Variants in TMEM120B observed in about 807,000 individuals in gnomAD.
TMEM120B encodes the protein transmembrane protein 120B.
Under a neutral mutation model 55.5 loss-of-function variants are expected in TMEM120B, and 31 were observed. The ratio of observed to expected loss-of-function variants is 0.56; its 90% CI spans 0.42 to 0.75. The LOEUF is 0.75. Ranked by LOEUF, TMEM120B falls within the 30% of genes least tolerant of loss-of-function variation. TMEM120B has a pLI of 0.00. For missense variants in TMEM120B, 399 were observed against 425.5 expected (o/e 0.94, Z 0.55); for synonymous variants, 203 against 176.3 (o/e 1.15, Z -1.20).
At chr12:121,761,042 G>A (rs867010186) in intron 5 of TMEM120B, among the ~76,000 whole-genome samples, 26 of 151,928 alleles carry the variant, frequency 1.7e-4, no homozygotes, top group African/African-American at 5.8e-4. Context: ...GCAATGGCAC[G>A]ATCTCAGCTC....
Position 121,779,129 on chromosome 12 carries a change from C to A in TMEM120B, c.*3407C>A, listed in dbSNP as rs567222877. 2 of 209,238 alleles carry A rather than the reference C, an allele frequency of 9.6e-6. No individual in the cohort carries two copies. The highest frequency in any genetic ancestry group is 9.9e-6 in the Non-Finnish European group (1 of 100,882). 13.0% of individuals were successfully genotyped at this position (209,238 alleles called of 1,614,324 possible). Reference sequence around the variant, plus strand: ...ACAGGAGTGGCAGGCTTGGGGCGCCCGCGTGGAACAGTGCCAGGTCTACGT... The same window carrying A: ...ACAGGAGTGGCAGGCTTGGGGCGCCAGCGTGGAACAGTGCCAGGTCTACGT... On this transcript the variant is annotated 3_prime_UTR_variant, in exon 12 of 12. Transcript: ENST00000449592.
rs1207412286 is a variant in TMEM120B at position 121,778,011 on chromosome 12, CA to C, written c.*2290del. 2.0e-5 allele frequency: 3 copies of C among 152,170 alleles called. No individual in the cohort carries two copies. The highest frequency in any genetic ancestry group is 4.4e-5 in the Non-Finnish European group (3 of 68,058). 9.4% of individuals were successfully genotyped at this position (152,170 alleles called of 1,614,324 possible). A position where few individuals can be genotyped will look rare whatever the true frequency, so the allele number is the denominator to read the frequency against. On this transcript the variant is annotated 3_prime_UTR_variant, in exon 12 of 12. Coordinates refer to ENST00000449592, the MANE Select transcript of TMEM120B (RefSeq NM_001080825.2). ...TTTAGCTGACGCCCCAGCACTGGGCCAGGGGGGCTGAGGCAGGAGATATGGG... is the reference window on the plus strand; with the variant it reads ...TTTAGCTGACGCCCCAGCACTGGGCCGGGGGGCTGAGGCAGGAGATATGGG...
intron 5 of TMEM120B, among the ~76,000 whole-genome samples, chr12:121,761,139 C>G (rs187348849): frequency 6.6e-6 from 1 of 152,198 alleles, no homozygotes; most frequent in African/African-American, 2.4e-5. Flanking sequence ...CCACCACACC[C>G]TGGTAATTTT....
intron 1 of TMEM120B, among the ~76,000 whole-genome samples, chr12:121,737,969 C>T (rs1872806159): frequency 1.3e-5 from 2 of 150,120 alleles, no homozygotes; most frequent in South Asian, 4.3e-4. Context: ...GAGGTGGAGC[C>T]CCTGCACTCT....
chr12:121,781,336 T>C lies in TMEM120B; in HGVS notation c.*5614T>C, dbSNP rs1220578598. The C allele has an allele frequency of 4.3e-6, 3 of 690,138 alleles. No homozygotes were observed. The highest frequency in any genetic ancestry group is 4.9e-6 in the Non-Finnish European group (2 of 411,344). 42.8% of individuals were successfully genotyped at this position (690,138 alleles called of 1,614,324 possible). ...ACAATGGGCAGCAAGCCAGGAGTGC[T>C]GGCACAGGCCTGTGGTCGCAGCTAC... On this transcript the variant is annotated 3_prime_UTR_variant, in exon 12 of 12. Coordinates refer to ENST00000449592, the MANE Select transcript of TMEM120B (RefSeq NM_001080825.2).
chr12:121,721,737 G>C (rs1231862522), intron 1 of TMEM120B, among the ~76,000 whole-genome samples: 2 of 150,930 alleles, frequency 1.3e-5, no homozygotes, highest in Non-Finnish European at 2.9e-5. Flanking sequence ...CAAAGTGCTG[G>C]GATTACAGGC....
At chr12:121,761,528 C>T in intron 5 of TMEM120B, 121 bp from the exon 6 acceptor site, 1 of 683,594 alleles carries the variant, frequency 1.5e-6, no homozygotes, top group Non-Finnish European at 2.6e-6. Flanking sequence ...TAAGGGCTTC[C>T]AGAGGCAGCG....
intron 1 of TMEM120B, among the ~76,000 whole-genome samples, chr12:121,713,231 A>G (rs1040195065): frequency 3.9e-5 from 6 of 152,110 alleles, no homozygotes; most frequent in African/African-American, 1.4e-4. Context: ...CGCTGCAGAA[A>G]GTTGGTCTGT....
At chr12:121,774,754 T>TGGA (rs1177076522) in intron 10 of TMEM120B, 32 bp downstream of exon 10, 1 of 1,609,088 alleles carries the variant, frequency 6.2e-7, no homozygotes, top group African/African-American at 1.3e-5. Flanking sequence ...GGGTATCTCC[T>TGGA]GTCTGGGCTG....
intron 6 of TMEM120B, among the ~76,000 whole-genome samples, chr12:121,770,245 CGT>C (rs1385301343): frequency 6.6e-6 from 1 of 152,214 alleles, no homozygotes; most frequent in Admixed American, 6.5e-5. Flanking sequence ...GGCATCTCCC[CGT>C]GTGTCCTCAT....
In TMEM120B at chr12:121,772,184, A is replaced by G. The variant is rs185070961; in HGVS notation, c.679+635A>G. 1.6e-4 allele frequency among the ~76,000 whole-genome samples: 23 copies of G among 143,196 alleles called. No individual in the cohort carries two copies. In the East Asian group the frequency reaches 4.6e-3, roughly 29 times the overall value. The allele number at this position is 143,196 out of a possible 152,430, so 93.9% of individuals were successfully genotyped here. A position where few individuals can be genotyped will look rare whatever the true frequency, so the allele number is the denominator to read the frequency against. On this transcript the variant is annotated intron_variant, in intron 8 of 11. Transcript: ENST00000449592. ...TGCTCTGTTGCCCAGGCTGGAGTGC[A>G]GTGGCGCGATCTTGGCTCACTGCAA...
In TMEM120B at chr12:121,779,564, C is replaced by T. The variant is rs1288425143; in HGVS notation, c.*3842C>T. On this transcript the variant is annotated 3_prime_UTR_variant, in exon 12 of 12. Coordinates refer to ENST00000449592, the MANE Select transcript of TMEM120B (RefSeq NM_001080825.2). ...CCTTCTTCAGAGCGCTGAGAGCCAC[C>T]TTGGCGGCCTCCCGGAAGACGTCCT... The T allele has an allele frequency of 6.2e-7, 1 of 1,614,134 alleles. No homozygotes were observed. Among genetic ancestry groups the T allele is most frequent in the South Asian group, 1.1e-5 (1 of 91,092 alleles).
Position 121,779,816 on chromosome 12 carries a change from G to A in TMEM120B, c.*4094G>A. 1 of 782,150 alleles carries A rather than the reference G, an allele frequency of 1.3e-6. No individual in the cohort carries two copies. The highest frequency in any genetic ancestry group is 2.0e-6 in the Non-Finnish European group (1 of 496,626). The allele number at this position is 782,150 out of a possible 1,614,324, so 48.5% of individuals were successfully genotyped here. On this transcript the variant is annotated 3_prime_UTR_variant, in exon 12 of 12. Transcript: ENST00000449592. The stretch of plus-strand genomic sequence containing the variant: ...CTCCATCCTGGCTGCCCCTCACAGT[G>A]TGTGGGTGGAATGGAGGGCCAGGGC...
In TMEM120B at chr12:121,780,593, G is replaced by T; in HGVS notation, c.*4871G>T. ...CCTGGCTCCACTTCTCGCTAGCTGT[G>T]TGGCCCTGGGCAAGCTGCTTAACCT... is the stretch of plus-strand genomic sequence containing the variant. On this transcript the variant is annotated 3_prime_UTR_variant, in exon 12 of 12. Transcript: ENST00000449592. The T allele has an allele frequency of 1.9e-6, 1 of 530,482 alleles. No homozygotes were observed. The highest frequency in any genetic ancestry group is 3.3e-6 in the Non-Finnish European group (1 of 302,120). The allele number at this position is 530,482 out of a possible 1,614,324, so 32.9% of individuals were successfully genotyped here.
At chr12:121,760,608 C>T (rs1873645951) in intron 5 of TMEM120B, among the ~76,000 whole-genome samples, 2 of 152,222 alleles carry the variant, frequency 1.3e-5, no homozygotes, top group Non-Finnish European at 2.9e-5. Flanking sequence ...CCTCCTAGTG[C>T]ACGTGCTTGA....
intron 1 of TMEM120B, among the ~76,000 whole-genome samples, chr12:121,724,771 C>T (rs547795937): frequency 3.9e-5 from 6 of 152,104 alleles, no homozygotes; most frequent in South Asian, 2.1e-4. Context: ...CCACCACACC[C>T]GGCTAAGTTT....
intron 1 of TMEM120B, among the ~76,000 whole-genome samples, chr12:121,741,906 G>A (rs1872943013): frequency 6.6e-6 from 1 of 152,038 alleles, no homozygotes. Flanking sequence ...TTCCTAGTGG[G>A]TGGGCCAAGG....
At position 121,753,303 on chromosome 12, in the gene TMEM120B, G is replaced by A. The variant is rs151160807; in HGVS notation, c.461+1080G>A. 3.0e-4 allele frequency among the ~76,000 whole-genome samples: 46 copies of A among 152,288 alleles called. No individual in the cohort carries two copies. In the East Asian group the frequency reaches 7.9e-3, roughly 26 times the overall value. ...TAGGTGAGTGGTGGCCAGGGGCTGC[G>A]GGAGGCAGGAAGGAGGGCATGACTG... On this transcript the variant is annotated intron_variant, in intron 5 of 11. Coordinates refer to ENST00000449592, the MANE Select transcript of TMEM120B (RefSeq NM_001080825.2).
chr12:121,733,365 C>T (rs1249949373), intron 1 of TMEM120B, among the ~76,000 whole-genome samples: 4 of 151,860 alleles, frequency 2.6e-5, no homozygotes, highest in African/African-American at 7.3e-5. Context: ...CTGCCTCAGC[C>T]TCCCAAGTAG....
Sources: allele counts gnomAD v4.1 joint callset (sites outside exome capture counted in the v4.1 genomes callset), GRCh38; gene constraint gnomAD v4.1.1; transcripts MANE v1.5; gene names NCBI Gene and HGNC (gene_info 2026-07-23, HGNC 2026-07-21).